ZNF385D: variants seen among roughly 807,000 people sequenced by gnomAD.
ZNF385D encodes zinc finger protein 385D, also known as zinc finger protein 659.
ZNF385D carries 15 observed loss-of-function variants against 35.8 expected under a neutral mutation model. That is an observed-to-expected ratio of 0.42 (90% CI 0.28 to 0.64). The LOEUF (loss-of-function observed/expected upper bound fraction) is 0.64, where lower values mean the gene tolerates loss of function less well. Among genes scored for constraint, ZNF385D ranks in the 30% least tolerant of loss-of-function variants. The probability of loss-of-function intolerance (pLI) is 0.23; values close to 1 mark genes in which losing one functional copy is unlikely to be tolerated. For missense variants in ZNF385D, 474 were observed against 494.6 expected, an observed-to-expected ratio of 0.96 and a Z score of 0.39; for synonymous variants, 212 against 186.8, an observed-to-expected ratio of 1.13 and a Z score of -1.10.
At chr3:22,132,883 T>A (rs1032517163) in intron 3 of ZNF385D, among the ~76,000 whole-genome samples, 1 of 152,104 alleles carries the variant, frequency 6.6e-6, no homozygotes, top group Non-Finnish European at 1.5e-5. Context: ...AGGAAGAGAT[T>A]AACCCAACCA....
chr3:21,431,725 C>G (rs953326435), intron 5 of ZNF385D, among the ~76,000 whole-genome samples: 1 of 152,100 alleles, frequency 6.6e-6, no homozygotes, highest in Non-Finnish European at 1.5e-5. Context: ...ATAGACGAGT[C>G]TCTATCTTTA....
chr3:21,828,725 C>G (rs1364073284), intron 3 of ZNF385D, among the ~76,000 whole-genome samples: 1 of 152,202 alleles, frequency 6.6e-6, no homozygotes, highest in African/African-American at 2.4e-5. Context: ...AATTTTTTAT[C>G]TTACAGTTCT....
At chr3:21,853,119 A>G (rs1410098445) in intron 3 of ZNF385D, among the ~76,000 whole-genome samples, 1 of 151,686 alleles carries the variant, frequency 6.6e-6, no homozygotes, top group Non-Finnish European at 1.5e-5. Context: ...AACTAAACAT[A>G]TAGCAAAAAG....
rs116631839 is a variant in ZNF385D, at chr3:21,702,413, C to T, written c.23-37385G>A. On this transcript the variant is annotated intron_variant, in intron 1 of 7. Coordinates refer to ENST00000281523, the MANE Select transcript of ZNF385D (RefSeq NM_024697.3). ...TGCCACAGCACGGGAACCCTGGGCC[C>T]GGCCCATGAAACCACATTTTCCTCC... is the stretch of plus-strand genomic sequence containing the variant. 3.5e-3 allele frequency among the ~76,000 whole-genome samples: 534 copies of T among 152,276 alleles called. 2 individuals are homozygous for T. Among genetic ancestry groups the T allele is most frequent in the African/African-American group, 0.012 (515 of 41,576 alleles).
At chr3:21,583,528 C>CTGAT (rs993849531) in intron 2 of ZNF385D, among the ~76,000 whole-genome samples, 2 of 152,162 alleles carry the variant, frequency 1.3e-5, no homozygotes, top group Non-Finnish European at 2.9e-5. Flanking sequence ...ATTTAAAACA[C>CTGAT]TGATTTACTA....
At chr3:21,988,649 G>A (rs1180741329) in intron 3 of ZNF385D, among the ~76,000 whole-genome samples, 1 of 151,540 alleles carries the variant, frequency 6.6e-6, no homozygotes, top group Admixed American at 6.6e-5. Context: ...CCGCAGAGGT[G>A]GAGCCTACAG....
chr3:22,210,147 G>C (rs1315927294), intron 2 of ZNF385D, among the ~76,000 whole-genome samples: 1 of 151,832 alleles, frequency 6.6e-6, no homozygotes, highest in East Asian at 1.9e-4. Flanking sequence ...AAGTGAAAGA[G>C]TCATTGTATG....
At chr3:21,440,942 T>C (rs1029456873) in intron 4 of ZNF385D, among the ~76,000 whole-genome samples, 2 of 152,070 alleles carry the variant, frequency 1.3e-5, no homozygotes, top group Non-Finnish European at 2.9e-5. Flanking sequence ...ACATTGTATC[T>C]CCCAATGCCA....
rs528728315 is a variant in ZNF385D at position 21,794,328 on chromosome 3, A to C, written c.326-129300T>G. Among the ~76,000 whole-genome samples the C allele has an allele frequency of 3.3e-5, 5 of 152,172 alleles. No individual in the cohort carries two copies. The South Asian group carries it at 1.0e-3, about 32-fold the overall frequency. The stretch of plus-strand genomic sequence containing the variant: ...TTCTGATCTAGTAAGGTGACTGGAC[A>C]TTCCTGAGGACTTCTGGCCTCTGAG... On this transcript the variant is annotated intron_variant, in intron 3 of 5. Coordinates refer to the ZNF385D transcript ENST00000494108.
chr3:21,486,455 G>T (rs1477677460), intron 4 of ZNF385D, among the ~76,000 whole-genome samples: 1 of 152,126 alleles, frequency 6.6e-6, no homozygotes, highest in Non-Finnish European at 1.5e-5. Flanking sequence ...ATTACAAAGT[G>T]CATACTGTCC....
intron 3 of ZNF385D, among the ~76,000 whole-genome samples, chr3:21,894,011 A>C (rs1165685411): frequency 1.3e-5 from 2 of 152,188 alleles, no homozygotes; most frequent in Non-Finnish European, 2.9e-5. Flanking sequence ...GGACTTAGGA[A>C]GTTCAAAAAT....
chr3:21,739,803 G>T (rs4858353), intron 1 of ZNF385D, among the ~76,000 whole-genome samples: 48,432 of 152,026 alleles, frequency 0.32, 8,881 homozygotes, highest in Admixed American at 0.44. Flanking sequence ...TACCGAGTCA[G>T]GTCTATAAGC....
At chr3:21,936,811 T>A (rs139040004) in intron 3 of ZNF385D, among the ~76,000 whole-genome samples, 376 of 152,208 alleles carry the variant, frequency 2.5e-3, no homozygotes, top group African/African-American at 8.6e-3. Context: ...TTTACCTCAT[T>A]GTGCTGAAAA....
intron 3 of ZNF385D, among the ~76,000 whole-genome samples, chr3:21,767,802 C>T (rs945606991): frequency 6.6e-6 from 1 of 151,910 alleles, no homozygotes; most frequent in African/African-American, 2.4e-5. Context: ...CAAATATGAC[C>T]GTTCTTTTGG....
chr3:21,963,568 A>T (rs1321958196), intron 3 of ZNF385D, among the ~76,000 whole-genome samples: 1 of 152,170 alleles, frequency 6.6e-6, no homozygotes, highest in Non-Finnish European at 1.5e-5. Flanking sequence ...CAAAACACCG[A>T]ATTCCACTTG....
intron 3 of ZNF385D, among the ~76,000 whole-genome samples, chr3:22,004,014 G>A (rs1007129836): frequency 1.3e-5 from 2 of 151,890 alleles, no homozygotes; most frequent in East Asian, 1.9e-4. Context: ...TAAAGTTATA[G>A]TAACTAAAAC....
chr3:22,265,062 A>T (rs1478416151), intron 2 of ZNF385D, among the ~76,000 whole-genome samples: 2 of 151,984 alleles, frequency 1.3e-5, no homozygotes, highest in Admixed American at 1.3e-4. Context: ...TGCTATGCTC[A>T]GAATTACATC....
intron 1 of ZNF385D, among the ~76,000 whole-genome samples, chr3:21,745,543 A>G (rs555191693): frequency 7.3e-4 from 111 of 152,154 alleles, no homozygotes; most frequent in Non-Finnish European, 1.4e-3. Context: ...GATCTCAACC[A>G]CTTTAAGCTT....
At chr3:21,831,319 T>C (rs2670249) in intron 3 of ZNF385D, among the ~76,000 whole-genome samples, 135,373 of 151,782 alleles carry the variant, frequency 0.89, 60,620 homozygotes, top group African/African-American at 0.96. Context: ...GGGAATGCTA[T>C]GGTGGAAGAG....
Sources: gnomAD v4.1 joint callset for allele counts (sites outside exome capture counted in the v4.1 genomes callset) on GRCh38, gnomAD v4.1.1 for gene constraint, MANE v1.5 for transcripts, NCBI Gene and HGNC (gene_info 2026-07-23, HGNC 2026-07-21) for gene names.